PRPF18: variants seen among roughly 807,000 people sequenced by gnomAD.
The protein encoded by PRPF18 is pre-mRNA processing factor 18, also known as pre-mRNA-splicing factor 18.
Under a neutral mutation model 46.5 loss-of-function variants are expected in PRPF18, and 38 were observed. The observed-to-expected ratio is 0.82, with a 90% confidence interval of 0.63 to 1.07. The LOEUF is 1.07. PRPF18 is among the 50% of genes least tolerant of loss of function. The probability of loss-of-function intolerance (pLI) is 0.00; values close to 1 mark genes in which losing one functional copy is unlikely to be tolerated. For synonymous variants in PRPF18, 152 were observed against 146.7 expected (o/e 1.04, Z -0.26); for missense variants, 263 against 410.0 (o/e 0.64, Z 3.10).
rs1172607899 is a variant in PRPF18 at position 13,590,453 on chromosome 10, ATAT to A, written c.66+3302_66+3304del. On this transcript the variant is annotated intron_variant, in intron 1 of 9. Transcript: ENST00000378572. Reference sequence around the variant, plus strand: ...TCTACTGAAAATACAAAAAAAAAAAATATATATATATATATATATTAGCTGGGC... The same window carrying A: ...TCTACTGAAAATACAAAAAAAAAAAAATATATATATATATATTAGCTGGGC... 6.3e-4 allele frequency among the ~76,000 whole-genome samples: 84 copies of A among 132,610 alleles called. No individual in the cohort carries two copies. In the South Asian group the frequency reaches 0.013, roughly 21 times the overall value. 87.0% of individuals were successfully genotyped at this position (132,610 alleles called of 152,430 possible).
downstream of PRPF18, chr10:13,632,858 C>T (rs1163731699): frequency 1.3e-5 from 2 of 152,202 alleles, no homozygotes; most frequent in Non-Finnish European, 2.9e-5. Flanking sequence ...GTTTATAAAA[C>T]AGTGAAGACA....
intron 1 of PRPF18, among the ~76,000 whole-genome samples, chr10:13,593,690 G>A (rs1220971893): frequency 6.6e-6 from 1 of 152,170 alleles, no homozygotes; most frequent in Non-Finnish European, 1.5e-5. Flanking sequence ...AATTGGCAAG[G>A]GATTTGCCCT....
chr10:13,626,490 A>C (rs755768751), intron 9 of PRPF18, among the ~76,000 whole-genome samples: 1 of 152,198 alleles, frequency 6.6e-6, no homozygotes, highest in Admixed American at 6.5e-5. Context: ...AACCCTGAAT[A>C]TTGATTTCAC....
chr10:13,629,408 C>A (rs1191967366), intron 9 of PRPF18, among the ~76,000 whole-genome samples: 2 of 152,128 alleles, frequency 1.3e-5, no homozygotes, highest in Non-Finnish European at 2.9e-5. Context: ...ACATGTAAAA[C>A]ACAAGTTATA....
chr10:13,604,313 C>CT (rs1411863283), intron 3 of PRPF18, among the ~76,000 whole-genome samples: 1 of 152,084 alleles, frequency 6.6e-6, no homozygotes, highest in Non-Finnish European at 1.5e-5. Flanking sequence ...AAAATTTGGA[C>CT]TAGTATTTAT....
the PRPF18 span, chr10:13,655,377 G>A: frequency 6.6e-6 from 1 of 150,726 alleles, no homozygotes; most frequent in Non-Finnish European, 1.5e-5. Flanking sequence ...TTATCTAATA[G>A]GGTCACAGAA....
intron 4 of PRPF18, among the ~76,000 whole-genome samples, chr10:13,607,989 T>A (rs2080214362): frequency 6.6e-6 from 1 of 152,224 alleles, no homozygotes; most frequent in Non-Finnish European, 1.5e-5. Flanking sequence ...TGCTAACTTT[T>A]TATCTACTTG....
chr10:13,592,960 C>T (rs552273733), intron 1 of PRPF18, among the ~76,000 whole-genome samples: 25 of 152,292 alleles, frequency 1.6e-4, no homozygotes, highest in Non-Finnish European at 2.5e-4. Context: ...GCACCCAGAA[C>T]GGAGCCACCC....
At chr10:13,654,394 A>G in the PRPF18 span, 1 of 1,466,300 alleles carries the variant, frequency 6.8e-7, no homozygotes, top group African/African-American at 1.4e-5. Flanking sequence ...GACACAGTGA[A>G]GAACATAGAA....
chr10:13,602,756 A>G (rs901511298), intron 3 of PRPF18, among the ~76,000 whole-genome samples: 2 of 152,178 alleles, frequency 1.3e-5, no homozygotes, highest in African/African-American at 2.4e-5. Flanking sequence ...TTTTTGAGAC[A>G]AAGTCTCACT....
chr10:13,629,871 G>A (rs1008007161), intron 9 of PRPF18, among the ~76,000 whole-genome samples: 4 of 152,186 alleles, frequency 2.6e-5, no homozygotes, highest in Admixed American at 1.3e-4. Context: ...GGATGCCTTA[G>A]GCTGGGCATT....
At chr10:13,590,434 G>A (rs192620718) in intron 1 of PRPF18, among the ~76,000 whole-genome samples, 2,021 of 125,042 alleles carry the variant, frequency 0.016, 49 homozygotes, top group African/African-American at 0.053. Context: ...CATCTCTACT[G>A]AAAATACAAA....
intron 1 of PRPF18, 21 bp from the exon 2 acceptor site, chr10:13,597,437 A>G (rs1450090080): frequency 4.6e-6 from 7 of 1,524,832 alleles, no homozygotes; most frequent in Non-Finnish European, 6.2e-6. Context: ...TATTATTGAC[A>G]TAATTTATTT....
At chr10:13,587,259 G>T (rs1002531534) in intron 1 of PRPF18, 107 bp downstream of exon 1, 2 of 1,237,828 alleles carry the variant, frequency 1.6e-6, no homozygotes, top group East Asian at 2.3e-5. Flanking sequence ...CGGGGACGGG[G>T]CTTAGCGAGT....
chr10:13,636,403 A>G, the PRPF18 span, among the ~76,000 whole-genome samples: 1 of 152,208 alleles, frequency 6.6e-6, no homozygotes, highest in African/African-American at 2.4e-5. Context: ...TGGGTGACAG[A>G]GTGAGACCGT....
At chr10:13,641,077 T>C in the PRPF18 span, 5 of 152,370 alleles carry the variant, frequency 3.3e-5, no homozygotes, top group South Asian at 2.1e-4. Flanking sequence ...CTTTCTGTCA[T>C]AGGCTAAATC....
chr10:13,626,684 C>A (rs1564463931), intron 9 of PRPF18, among the ~76,000 whole-genome samples: 1 of 151,988 alleles, frequency 6.6e-6, no homozygotes, highest in Non-Finnish European at 1.5e-5. Flanking sequence ...AGAAATGTGG[C>A]AATAAATGCC....
At chr10:13,628,618 A>G (rs1397323334) in intron 9 of PRPF18, among the ~76,000 whole-genome samples, 1 of 152,156 alleles carries the variant, frequency 6.6e-6, no homozygotes, top group African/African-American at 2.4e-5. Flanking sequence ...CCATGGACAC[A>G]TAACCCATGG....
At chr10:13,590,324 G>A (rs146977112) in intron 1 of PRPF18, among the ~76,000 whole-genome samples, 3 of 151,524 alleles carry the variant, frequency 2.0e-5, no homozygotes, top group East Asian at 3.9e-4. Flanking sequence ...ACTGACATTC[G>A]GCCGGGCGCG....
Sources: gnomAD v4.1 joint callset for allele counts (sites outside exome capture counted in the v4.1 genomes callset) on GRCh38, gnomAD v4.1.1 for gene constraint, MANE v1.5 for transcripts, NCBI Gene and HGNC (gene_info 2026-07-23, HGNC 2026-07-21) for gene names.